The following PARP11 variants were observed in gnomAD, a reference collection of about 807,000 sequenced individuals.
PARP11 encodes the protein protein mono-ADP-ribosyltransferase PARP11.
A neutral mutation model predicts 42.9 loss-of-function variants in PARP11; 31 were observed. The observed-to-expected ratio is 0.72, with a 90% CI of 0.54 to 0.98. The LOEUF (loss-of-function observed/expected upper bound fraction) is 0.98. PARP11 is among the 50% of genes least tolerant of loss of function. PARP11 has a pLI of 0.00. For synonymous variants in PARP11, 137 were observed against 127.3 expected, an observed-to-expected ratio of 1.08 and a Z score of -0.51; for missense variants, 365 against 413.1, an observed-to-expected ratio of 0.88 and a Z score of 1.01.
intron 1 of PARP11, among the ~76,000 whole-genome samples, chr12:3,857,490 C>T (rs151172354): frequency 6.6e-6 from 1 of 152,070 alleles, no homozygotes; most frequent in African/African-American, 2.4e-5. Flanking sequence ...GCTGAGACAG[C>T]CTTTACAGGA....
At chr12:3,816,461 C>A (rs1166052616) in intron 6 of PARP11, among the ~76,000 whole-genome samples, 1 of 152,206 alleles carries the variant, frequency 6.6e-6, no homozygotes, top group African/African-American at 2.4e-5. Context: ...GAAATACCCA[C>A]CAGCACATAT....
Position 3,840,769 on chromosome 12 carries a change from T to G in PARP11, c.19-10751A>C. ...GGATAAAAGACCCGAACCAAGCATA[T>G]TGGAGAATATTACTGATGATAAATA... On this transcript the variant is annotated intron_variant, in intron 1 of 7. Coordinates refer to ENST00000228820, the MANE Select transcript of PARP11 (RefSeq NM_020367.6). The surrounding 1 kb of genome is among the most constrained non-coding windows in gnomAD (Gnocchi z 4.4). 1.3e-6 allele frequency: 2 copies of G among 1,508,220 alleles called. No individual in the cohort carries two copies. Among genetic ancestry groups the G allele is most frequent in the Non-Finnish European group, 1.8e-6 (2 of 1,083,494 alleles). 93.4% of individuals were successfully genotyped at this position (1,508,220 alleles called of 1,614,324 possible).
Position 3,826,210 on chromosome 12 carries a change from T to G in PARP11, c.292A>C (p.Thr98Pro). The G allele has an allele frequency of 6.3e-7, 1 of 1,597,348 alleles. No individual in the cohort carries two copies. The highest frequency in any genetic ancestry group is 8.5e-7 in the Non-Finnish European group (1 of 1,174,938). The part of the protein sequence containing the change: ...FAEMKQMNLT[T>P]GKQRLIKRAP... ...CTTTTTATTAAGCGCTGCTTTCCAGTGGTGAGATTCATTTGCTTCATTTCT... is the reference window on the plus strand; with the variant it reads ...CTTTTTATTAAGCGCTGCTTTCCAGGGGTGAGATTCATTTGCTTCATTTCT... The change falls in exon 4 of 8, where the codon ACT becomes CCT. Residue 98 changes from threonine to proline, a missense_variant. Coordinates refer to ENST00000228820, the MANE Select transcript of PARP11 (RefSeq NM_020367.6).
At chr12:3,852,717 T>G (rs1948119212) in intron 1 of PARP11, among the ~76,000 whole-genome samples, 1 of 152,160 alleles carries the variant, frequency 6.6e-6, no homozygotes, top group African/African-American at 2.4e-5. Flanking sequence ...TTCAGGATAT[T>G]ATCCAGGAGA....
rs1412511636 is a variant in PARP11 at position 3,840,035 on chromosome 12, G to A, written c.19-10017C>T. 1 of 1,608,878 alleles carries A rather than the reference G, an allele frequency of 6.2e-7. No homozygotes were observed. Among genetic ancestry groups the A allele is most frequent in the Admixed American group, 1.7e-5 (1 of 60,008 alleles). On this transcript the variant is annotated intron_variant, in intron 1 of 7. Transcript: ENST00000228820. The surrounding 1 kb of genome is among the most constrained non-coding windows in gnomAD (Gnocchi z 4.4). ...AACTCTACTAGCCTGCCTTTGGCTA[G>A]AAAGGTTCTTAAGTCACTCAATCCT...
chr12:3,841,210 G>T, intron 1 of PARP11: 1 of 1,513,052 alleles, frequency 6.6e-7, no homozygotes. Context: ...TCGAGCCATT[G>T]TACCACCTTC....
At chr12:3,814,852 C>A in intron 6 of PARP11, 1 of 283,036 alleles carries the variant, frequency 3.5e-6, no homozygotes, top group Non-Finnish European at 7.1e-6. Context: ...TGTGCATTAA[C>A]ATAGTAAATC....
At chr12:3,814,719 T>G (rs1236802061) in intron 6 of PARP11, among the ~76,000 whole-genome samples, 2 of 152,190 alleles carry the variant, frequency 1.3e-5, no homozygotes, top group Non-Finnish European at 2.9e-5. Flanking sequence ...CATAAAAGCA[T>G]ATTTAATGTA....
At chr12:3,843,450 TACTG>T (rs780979785) in intron 1 of PARP11, among the ~76,000 whole-genome samples, 6 of 152,248 alleles carry the variant, frequency 3.9e-5, no homozygotes, top group Non-Finnish European at 5.9e-5. Flanking sequence ...TTTCTAGAGT[TACTG>T]TGTGTGTATT....
At chr12:3,826,711 T>G (rs1342531540) in intron 3 of PARP11, among the ~76,000 whole-genome samples, 1 of 152,194 alleles carries the variant, frequency 6.6e-6, no homozygotes, top group African/African-American at 2.4e-5. Context: ...TTTCTACATT[T>G]CCTGATTTCT....
intron 1 of PARP11, chr12:3,872,457 A>T: frequency 1.0e-6 from 1 of 954,400 alleles, no homozygotes. Flanking sequence ...ACTTTAAATA[A>T]ATAAATGTAT....
chr12:3,826,341 C>T (rs1173434182), intron 3 of PARP11, 108 bp from the exon 4 acceptor site: 7 of 727,582 alleles, frequency 9.6e-6, no homozygotes, highest in East Asian at 5.7e-5. Context: ...CATGGAGCTT[C>T]GGGAGTAGCT....
chr12:3,812,038 AC>A lies in PARP11; in HGVS notation c.*84del. The stretch of plus-strand genomic sequence containing the variant: ...CTGTTTCAAAAGTATCAGATAATTA[AC>A]ATTTAGTGGCTAGATGACTGAAGAG... On this transcript the variant is annotated 3_prime_UTR_variant, in exon 8 of 8. Transcript: ENST00000228820. 2.0e-6 allele frequency: 2 copies of A among 988,482 alleles called. No homozygotes were observed. The highest frequency in any genetic ancestry group is 3.0e-6 in the Non-Finnish European group (2 of 668,238). The allele number at this position is 988,482 out of a possible 1,614,324, so 61.2% of individuals were successfully genotyped here.
intron 4 of PARP11, among the ~76,000 whole-genome samples, chr12:3,823,752 C>T (rs1947455858): frequency 6.6e-6 from 1 of 151,752 alleles, no homozygotes; most frequent in Non-Finnish European, 1.5e-5. Flanking sequence ...CCCATCTCTA[C>T]TAAAATACAA....
chr12:3,832,715 G>C (rs1395156621), intron 1 of PARP11, among the ~76,000 whole-genome samples: 3 of 152,118 alleles, frequency 2.0e-5, no homozygotes, highest in Non-Finnish European at 4.4e-5. Flanking sequence ...CTCTAGGCTA[G>C]GACACATTTA....
intron 1 of PARP11, among the ~76,000 whole-genome samples, chr12:3,862,967 T>C (rs996575966): frequency 2.7e-4 from 41 of 152,242 alleles, no homozygotes; most frequent in East Asian, 3.8e-4. Context: ...CTGGAGAAAA[T>C]TGGCATCTTA....
intron 1 of PARP11, among the ~76,000 whole-genome samples, chr12:3,832,888 A>G (rs1054746158): frequency 6.6e-6 from 1 of 152,344 alleles, no homozygotes; most frequent in Non-Finnish European, 1.5e-5. Context: ...AAAGCGGCAA[A>G]GCATTTTGTA....
Position 3,812,369 on chromosome 12 carries a change from T to G in PARP11, c.771A>C (p.Thr257=). 1.2e-6 allele frequency: 2 copies of G among 1,614,182 alleles called. No homozygotes were observed. Among genetic ancestry groups the G allele is most frequent in the South Asian group, 2.2e-5 (2 of 91,082 alleles). Residue 257 remains threonine (T), a synonymous_variant, in exon 8 of 8, where the codon ACA becomes ACC. Transcript: ENST00000228820. The part of the protein sequence containing the change: ...FCKDDIKHGN[T]FQIHGVSLQQ... ...GCAAGCTGACACCATGAATTTGGAA[T>G]GTGTTCCCATGCTTTATGTCATCTT...
At chr12:3,821,579 A>T (rs190788879) in intron 6 of PARP11, among the ~76,000 whole-genome samples, 1 of 152,242 alleles carries the variant, frequency 6.6e-6, no homozygotes, top group Non-Finnish European at 1.5e-5. Context: ...CAAGGAAGTC[A>T]TATCAACAAA....
Sources: gnomAD v4.1 joint callset for allele counts (sites outside exome capture counted in the v4.1 genomes callset) on GRCh38, gnomAD v4.1.1 for gene constraint, Gnocchi (gnomAD v3.1) non-coding constraint, MANE v1.5 for transcripts, NCBI Gene and HGNC (gene_info 2026-07-23, HGNC 2026-07-21) for gene names.